NAALADL2: variants seen among roughly 807,000 people sequenced by gnomAD.
NAALADL2 encodes N-acetylated alpha-linked acidic dipeptidase like 2.
A neutral mutation model predicts 87.2 loss-of-function variants in NAALADL2; 76 were observed. The observed-to-expected ratio is 0.87, with a 90% CI of 0.72 to 1.05. NAALADL2 has a LOEUF of 1.05. Ranked by LOEUF, NAALADL2 falls within the 50% of genes least tolerant of loss-of-function variation. The pLI is 0.00. For synonymous variants in NAALADL2, 354 were observed against 331.0 expected, an observed-to-expected ratio of 1.07 and a Z score of -0.75; for missense variants, 1,089 against 945.8, an observed-to-expected ratio of 1.15 and a Z score of -1.99.
At chr3:174,679,061 G>C (rs532009815) in intron 2 of NAALADL2, among the ~76,000 whole-genome samples, 1 of 152,092 alleles carries the variant, frequency 6.6e-6, no homozygotes, top group Non-Finnish European at 1.5e-5. Flanking sequence ...ACTTCATTGA[G>C]CTTCCCAAAC....
intron 5 of NAALADL2, among the ~76,000 whole-genome samples, chr3:175,446,845 C>G (rs1407272115): frequency 6.6e-6 from 1 of 152,134 alleles, no homozygotes; most frequent in Admixed American, 6.6e-5. Flanking sequence ...TTAGGTTTCC[C>G]CCTCAGGTCT....
chr3:174,560,245 G>A (rs1331015916), intron 2 of NAALADL2, among the ~76,000 whole-genome samples: 1 of 152,090 alleles, frequency 6.6e-6, no homozygotes, highest in African/African-American at 2.4e-5. Context: ...CAAATATAAA[G>A]TTGTATCTTA....
chr3:174,843,700 T>C (rs1724274127), intron 3 of NAALADL2, among the ~76,000 whole-genome samples: 2 of 152,092 alleles, frequency 1.3e-5, no homozygotes, highest in South Asian at 4.1e-4. Flanking sequence ...TCTGACACTT[T>C]TGTCTTTGGT....
At chr3:175,148,126 A>AAT (rs1560090653) in intron 2 of NAALADL2, among the ~76,000 whole-genome samples, 45 of 116,926 alleles carry the variant, frequency 3.8e-4, no homozygotes, top group Admixed American at 1.7e-3. Flanking sequence ...ATAATAATAA[A>AAT]ATAATAATAA....
intron 11 of NAALADL2, among the ~76,000 whole-genome samples, chr3:175,665,058 A>T (rs1732766241): frequency 6.6e-6 from 1 of 152,166 alleles, no homozygotes; most frequent in South Asian, 2.1e-4. Context: ...AAGGAGAGTA[A>T]TTTGCCCAAA....
At chr3:175,290,535 T>C (rs1353107877) in intron 4 of NAALADL2, among the ~76,000 whole-genome samples, 1 of 152,200 alleles carries the variant, frequency 6.6e-6, no homozygotes, top group South Asian at 2.1e-4. Flanking sequence ...GGTGGTTACA[T>C]GGGCATATAT....
At chr3:175,399,747 T>C (rs971526585) in intron 5 of NAALADL2, among the ~76,000 whole-genome samples, 1 of 151,970 alleles carries the variant, frequency 6.6e-6, no homozygotes, top group Non-Finnish European at 1.5e-5. Context: ...TGACTTAGAA[T>C]GTTTTAGGAA....
At chr3:175,688,382 A>C (rs1391169240) in intron 11 of NAALADL2, among the ~76,000 whole-genome samples, 1 of 152,170 alleles carries the variant, frequency 6.6e-6, no homozygotes, top group Non-Finnish European at 1.5e-5. Flanking sequence ...TCTTATGACC[A>C]CATATTATCA....
At chr3:175,147,560 A>G (rs1730922048) in intron 2 of NAALADL2, among the ~76,000 whole-genome samples, 1 of 143,104 alleles carries the variant, frequency 7.0e-6, no homozygotes, top group Non-Finnish European at 1.5e-5. Context: ...ATGTGAGTGC[A>G]TATGTCTTTT....
intron 2 of NAALADL2, among the ~76,000 whole-genome samples, chr3:174,643,742 G>A (rs1723494154): frequency 6.6e-6 from 1 of 152,102 alleles, no homozygotes; most frequent in South Asian, 2.1e-4. Context: ...AAAATTAAAA[G>A]CTAACTCCAT....
rs144308564 is a variant in NAALADL2, at chr3:174,621,771, G to A, written c.-115+71134G>A. Among the ~76,000 whole-genome samples, 369 of 152,238 alleles carry A rather than the reference G, an allele frequency of 2.4e-3. 2 individuals carry two copies. Among genetic ancestry groups the A allele is most frequent in the African/African-American group, 8.5e-3 (352 of 41,540 alleles). ...AGGCAAAATACTATACTTACGCAGG[G>A]CCTTGTATGTAATAAGTATAATGGG... On this transcript the variant is annotated intron_variant, in intron 2 of 3. Coordinates refer to the NAALADL2 transcript ENST00000434257.
intron 1 of NAALADL2, among the ~76,000 whole-genome samples, chr3:175,005,851 C>G (rs918590964): frequency 6.6e-6 from 1 of 152,222 alleles, no homozygotes; most frequent in South Asian, 2.1e-4. Context: ...AGACTTTGGG[C>G]TTATTTGGAA....
intron 10 of NAALADL2, among the ~76,000 whole-genome samples, chr3:175,577,175 T>TGACA (rs1719024571): frequency 6.6e-6 from 1 of 152,206 alleles, no homozygotes; most frequent in Non-Finnish European, 1.5e-5. Context: ...GCCCTGACTC[T>TGACA]GACACTTACT....
chr3:175,475,808 C>T (rs1725614797), intron 9 of NAALADL2, among the ~76,000 whole-genome samples: 1 of 152,106 alleles, frequency 6.6e-6, no homozygotes. Context: ...ACCTTAAACA[C>T]CTGAGCTAAA....
intron 3 of NAALADL2, among the ~76,000 whole-genome samples, chr3:174,750,757 A>G (rs926627412): frequency 4.6e-5 from 7 of 152,234 alleles, no homozygotes; most frequent in African/African-American, 1.7e-4. Flanking sequence ...AATTATGTAA[A>G]TAAAGCATTG....
intron 1 of NAALADL2, among the ~76,000 whole-genome samples, chr3:174,494,064 G>T (rs956828968): frequency 6.6e-5 from 10 of 152,068 alleles, no homozygotes; most frequent in African/African-American, 2.2e-4. Flanking sequence ...ATTAGGGAGA[G>T]TATTTCATGG....
Position 175,413,360 on chromosome 3 carries a change from A to G in NAALADL2, c.1091-33869A>G, listed in dbSNP as rs532976304. Among the ~76,000 whole-genome samples the G allele has an allele frequency of 1.8e-3, 268 of 151,236 alleles. 1 individual carries two copies. Among genetic ancestry groups the G allele is most frequent in the African/African-American group, 6.4e-3 (263 of 41,268 alleles). ...GCCGAGGAGAGCGGATCACAAAGTC[A>G]AGAGATAGAGACCATCCTGGCTAAC... is the stretch of plus-strand genomic sequence containing the variant. On this transcript the variant is annotated intron_variant, in intron 5 of 13. Transcript: ENST00000454872.
At position 175,724,412 on chromosome 3, in the gene NAALADL2, C is replaced by T. The variant is rs1742660785; in HGVS notation, c.1897-12894C>T. Reference sequence around the variant, plus strand: ...ACATGTATTTTTAGATTCAACTGAACAATAGCATCTAGTTCAAAGAAAGTT... The same window carrying T: ...ACATGTATTTTTAGATTCAACTGAATAATAGCATCTAGTTCAAAGAAAGTT... On this transcript the variant is annotated intron_variant, in intron 11 of 13. Transcript: ENST00000454872. 2.0e-5 allele frequency among the ~76,000 whole-genome samples: 3 copies of T among 152,098 alleles called. No individual in the cohort carries two copies. The South Asian group carries it at 6.2e-4, about 31-fold the overall frequency.
intron 1 of NAALADL2, among the ~76,000 whole-genome samples, chr3:175,009,690 A>G (rs565001230): frequency 9.9e-5 from 15 of 151,418 alleles, no homozygotes; most frequent in Middle Eastern, 3.4e-3. Context: ...CCTTGCTTCT[A>G]GATGAAGACA....
Sources: gnomAD v4.1 joint callset for allele counts (sites outside exome capture counted in the v4.1 genomes callset) on GRCh38, gnomAD v4.1.1 for gene constraint, MANE v1.5 for transcripts, NCBI Gene and HGNC (gene_info 2026-07-23, HGNC 2026-07-21) for gene names.